Variants in PAK5 observed in about 807,000 individuals in gnomAD.
PAK5 encodes the protein serine/threonine-protein kinase PAK 5.
Under a neutral mutation model 65.9 loss-of-function variants are expected in PAK5, and 16 were observed. The observed-to-expected ratio is 0.24, with a 90% CI of 0.16 to 0.37. The LOEUF (loss-of-function observed/expected upper bound fraction) is 0.37. Among genes scored for constraint, PAK5 ranks in the 10% least tolerant of loss-of-function variants. PAK5 has a pLI of 1.00. For missense variants in PAK5, 785 were observed against 903.9 expected (o/e 0.87, Z 1.69); for synonymous variants, 371 against 354.9 (o/e 1.05, Z -0.51).
Position 9,580,363 on chromosome 20 carries a change from C to T in PAK5, c.772G>A (p.Gly258Arg). The change falls in exon 4 of 10, where the codon GGA becomes AGA. Residue 258 changes from glycine (G) to arginine (R), a missense_variant. By Grantham distance (125) the Gly-to-Arg change is moderately radical. Transcript: ENST00000353224. ...CTGTCATAGTCATCCAGGCTGGGTCCCCATTCACTTTCACTGTACGCCAGG... is the reference window on the plus strand; with the variant it reads ...CTGTCATAGTCATCCAGGCTGGGTCTCCATTCACTTTCACTGTACGCCAGG... ...ESLAYSESEWGPSLDDYDRRP... is the reference protein window; with the variant it reads ...ESLAYSESEWRPSLDDYDRRP... 3.7e-6 allele frequency: 6 copies of T among 1,614,040 alleles called. No homozygotes were observed. Among genetic ancestry groups the T allele is most frequent in the Non-Finnish European group, 5.1e-6 (6 of 1,179,990 alleles).
intron 1 of PAK5, among the ~76,000 whole-genome samples, chr20:9,759,111 A>T (rs2048668968): frequency 6.6e-6 from 1 of 152,162 alleles, no homozygotes; most frequent in Non-Finnish European, 1.5e-5. Context: ...AACACAATCA[A>T]ATAAGGAAGA....
chr20:9,726,988 A>C (rs2048284951), intron 1 of PAK5, among the ~76,000 whole-genome samples: 1 of 152,176 alleles, frequency 6.6e-6, no homozygotes. Context: ...TAGAATCTTC[A>C]TAATTTTTAA....
Position 9,795,769 on chromosome 20 carries a change from A to G in PAK5, c.-162+42993T>C, listed in dbSNP as rs191190333. On this transcript the variant is annotated intron_variant, in intron 1 of 9. Coordinates refer to ENST00000353224, the MANE Select transcript of PAK5 (RefSeq NM_177990.4). ...TAAATTCTTGTCACTCTGTATTGCC[A>G]TTACCTGGAAAAAGTCCCAGTAGAA... Among the ~76,000 whole-genome samples, 7 of 152,232 alleles carry G rather than the reference A, an allele frequency of 4.6e-5. 1 individual carries two copies. The highest frequency in any genetic ancestry group is 4.6e-4 in the Admixed American group (7 of 15,250).
At chr20:9,780,913 T>G (rs1209871210) in intron 1 of PAK5, among the ~76,000 whole-genome samples, 1 of 152,188 alleles carries the variant, frequency 6.6e-6, no homozygotes. Context: ...TGCTAGTACC[T>G]TTACTTATCT....
At chr20:9,828,126 C>T (rs867999054) in intron 1 of PAK5, among the ~76,000 whole-genome samples, 47 of 152,172 alleles carry the variant, frequency 3.1e-4, no homozygotes, top group African/African-American at 9.4e-4. Flanking sequence ...TGAGCCACCG[C>T]GCCCAGCCAA....
At chr20:9,544,314 TG>T in intron 8 of PAK5, 54 bp downstream of exon 8, 1 of 1,581,148 alleles carries the variant, frequency 6.3e-7, no homozygotes, top group Non-Finnish European at 8.6e-7. Context: ...TCAGAACCAA[TG>T]GGTCCCTGAG....
chr20:9,802,130 C>A (rs2049176394), intron 1 of PAK5, among the ~76,000 whole-genome samples: 1 of 152,062 alleles, frequency 6.6e-6, no homozygotes, highest in South Asian at 2.1e-4. Flanking sequence ...CAGATTAGCC[C>A]GATAGGGCAT....
chr20:9,773,930 A>G (rs1038237071), intron 1 of PAK5, among the ~76,000 whole-genome samples: 1 of 152,140 alleles, frequency 6.6e-6, no homozygotes, highest in Admixed American at 6.6e-5. Context: ...ACTGTTCCCT[A>G]TTGCTGTTTT....
intron 3 of PAK5, among the ~76,000 whole-genome samples, chr20:9,629,718 T>C (rs2046897387): frequency 6.6e-6 from 1 of 152,226 alleles, no homozygotes; most frequent in Non-Finnish European, 1.5e-5. Context: ...AGTCCATATC[T>C]TTAAACAATG....
chr20:9,647,365 A>G (rs1034556922), intron 2 of PAK5, among the ~76,000 whole-genome samples: 2 of 152,230 alleles, frequency 1.3e-5, no homozygotes, highest in Admixed American at 1.3e-4. Flanking sequence ...TGACAGTTCA[A>G]GAAATTTTAG....
At chr20:9,793,159 G>C (rs554620626) in intron 1 of PAK5, among the ~76,000 whole-genome samples, 1 of 152,066 alleles carries the variant, frequency 6.6e-6, no homozygotes, top group African/African-American at 2.4e-5. Context: ...CTTTGGAGCT[G>C]ACTTTATCCA....
intron 3 of PAK5, among the ~76,000 whole-genome samples, chr20:9,604,935 GA>G (rs2046425271): frequency 6.6e-6 from 1 of 152,216 alleles, no homozygotes; most frequent in African/African-American, 2.4e-5. Flanking sequence ...AGGAACTGTA[GA>G]GAGAATAAGT....
At chr20:9,671,382 G>A (rs944945797) in intron 2 of PAK5, among the ~76,000 whole-genome samples, 136 of 152,116 alleles carry the variant, frequency 8.9e-4, no homozygotes, top group Non-Finnish European at 1.4e-3. Context: ...CCATTTTCAC[G>A]ATATTGATTC....
intron 7 of PAK5, among the ~76,000 whole-genome samples, chr20:9,548,284 C>T (rs1156971497): frequency 6.6e-6 from 1 of 152,024 alleles, no homozygotes; most frequent in East Asian, 1.9e-4. Context: ...ATTTTTCTTG[C>T]ATATTCAACT....
At chr20:9,561,925 A>T (rs547113471) in intron 6 of PAK5, among the ~76,000 whole-genome samples, 1 of 152,208 alleles carries the variant, frequency 6.6e-6, no homozygotes, top group Non-Finnish European at 1.5e-5. Flanking sequence ...GTTTGCCGTA[A>T]ATGCAGAATC....
Position 9,539,591 on chromosome 20 carries a change from T to G in PAK5, c.2031A>C (p.Leu677=). The change falls in exon 10 of 10, where the codon CTA becomes CTC. Residue 677 remains leucine, a synonymous_variant. Coordinates refer to ENST00000353224, the MANE Select transcript of PAK5 (RefSeq NM_177990.4). The part of the protein sequence containing the change: ...HKVSSVLRGF[L]DLMLVREPSQ... ...AGGGCTCCCTCACCAACATCAAGTC[T>G]AGGAATCCCCGGAGCACTGAAGAAA... The G allele has an allele frequency of 1.9e-6, 3 of 1,613,542 alleles. No homozygotes were observed. Among genetic ancestry groups the G allele is most frequent in the Non-Finnish European group, 1.7e-6 (2 of 1,179,970 alleles).
chr20:9,794,918 C>T (rs552812792), intron 1 of PAK5, among the ~76,000 whole-genome samples: 1 of 152,082 alleles, frequency 6.6e-6, no homozygotes, highest in Non-Finnish European at 1.5e-5. Context: ...TCCTACAGCA[C>T]ATTTTAATTT....
chr20:9,835,680 G>A (rs961316771), intron 1 of PAK5, among the ~76,000 whole-genome samples: 1 of 152,112 alleles, frequency 6.6e-6, no homozygotes, highest in South Asian at 2.1e-4. Context: ...TGGTGGTGGG[G>A]ATAGAAATAA....
chr20:9,670,715 C>T (rs1257728829), intron 2 of PAK5, among the ~76,000 whole-genome samples: 1 of 152,266 alleles, frequency 6.6e-6, no homozygotes, highest in African/African-American at 2.4e-5. Context: ...TTCTCCCATT[C>T]TGTAGGTTGC....
Sources: allele counts gnomAD v4.1 joint callset (sites outside exome capture counted in the v4.1 genomes callset), GRCh38; gene constraint gnomAD v4.1.1; transcripts MANE v1.5; gene names NCBI Gene and HGNC (gene_info 2026-07-23, HGNC 2026-07-21).